The following CEP63 variants were observed in gnomAD, a reference collection of about 807,000 sequenced individuals.
CEP63 encodes the protein centrosomal protein of 63 kDa.
Under a neutral mutation model 89.1 loss-of-function variants are expected in CEP63, and 84 were observed. The ratio of observed to expected loss-of-function variants is 0.94; its 90% CI spans 0.79 to 1.13. The LOEUF is 1.13. CEP63 is among the 50% of genes most tolerant of loss of function. The probability of loss-of-function intolerance (pLI) is 0.00; values close to 1 mark genes in which losing one functional copy is unlikely to be tolerated. For missense variants in CEP63, 838 were observed against 813.3 expected (o/e 1.03, Z -0.37); for synonymous variants, 267 against 272.5 (o/e 0.98, Z 0.20).
the CEP63 span, chr3:134,620,706 A>T: frequency 1.4e-6 from 2 of 1,409,782 alleles, no homozygotes; most frequent in South Asian, 2.4e-5. Context: ...CAGGGAATGG[A>T]AGCAAGGGAT....
chr3:134,543,975 G>T (rs1342846000), intron 6 of CEP63, among the ~76,000 whole-genome samples: 2 of 147,562 alleles, frequency 1.4e-5, no homozygotes, highest in Non-Finnish European at 1.5e-5. Context: ...AAAAAAAAAA[G>T]GCTCTTTGCA....
chr3:134,547,646 T>C (rs1020678296), intron 9 of CEP63, among the ~76,000 whole-genome samples, 174 bp downstream of exon 9: 1 of 139,538 alleles, frequency 7.2e-6, no homozygotes, highest in African/African-American at 2.9e-5. Context: ...GAGTCCGCTC[T>C]GTCACCCAGA....
At chr3:134,586,021 C>G (rs1958476622) in intron 10 of CEP63, among the ~76,000 whole-genome samples, 1 of 132,690 alleles carries the variant, frequency 7.5e-6, no homozygotes, top group South Asian at 2.4e-4. Context: ...ATTGCAACTC[C>G]TGCTTTTTTT....
At chr3:134,570,768 T>C (rs1163348136) in intron 11 of CEP63, among the ~76,000 whole-genome samples, 3 of 152,216 alleles carry the variant, frequency 2.0e-5, no homozygotes, top group Admixed American at 1.3e-4. Flanking sequence ...TTAGTCTGTT[T>C]TCATGCTGCT....
intron 12 of CEP63, among the ~76,000 whole-genome samples, chr3:134,556,373 A>G (rs1956176099): frequency 6.6e-6 from 1 of 152,096 alleles, no homozygotes; most frequent in African/African-American, 2.4e-5. Context: ...GAAAGGATTT[A>G]TTTTTAAAGC....
At chr3:134,614,360 A>G in the CEP63 span, among the ~76,000 whole-genome samples, 1 of 152,118 alleles carries the variant, frequency 6.6e-6, no homozygotes, top group African/African-American at 2.4e-5. Flanking sequence ...TTTTGCCTCC[A>G]TAGCTCATGG....
At chr3:134,545,264 G>A (rs529325772) in intron 6 of CEP63, among the ~76,000 whole-genome samples, 3 of 152,024 alleles carry the variant, frequency 2.0e-5, no homozygotes, top group East Asian at 1.9e-4. Context: ...CTCAAAGTGC[G>A]GGATTACAGG....
At chr3:134,656,169 T>A in the CEP63 span, among the ~76,000 whole-genome samples, 1 of 151,908 alleles carries the variant, frequency 6.6e-6, no homozygotes, top group Non-Finnish European at 1.5e-5. Flanking sequence ...GAGGCATCTG[T>A]CCTCCCAGAG....
the CEP63 span, chr3:134,601,024 G>C: frequency 6.6e-6 from 1 of 152,236 alleles, no homozygotes; most frequent in African/African-American, 2.4e-5. Flanking sequence ...ACACCTGGGG[G>C]CGCCCGTGCC....
chr3:134,504,517 TC>T (rs1394561805), intron 2 of CEP63, among the ~76,000 whole-genome samples: 8 of 152,258 alleles, frequency 5.3e-5, no homozygotes, highest in Admixed American at 5.2e-4. Flanking sequence ...CTGACATTTT[TC>T]TCTTGCTGTT....
chr3:134,505,201 T>C (rs1341206848), intron 2 of CEP63, among the ~76,000 whole-genome samples: 2 of 152,190 alleles, frequency 1.3e-5, no homozygotes, highest in African/African-American at 4.8e-5. Flanking sequence ...CTTGTGTCCT[T>C]GTGTTGATTT....
At chr3:134,565,883 T>G (rs1349352740), downstream of CEP63, among the ~76,000 whole-genome samples, 1 of 152,166 alleles carries the variant, frequency 6.6e-6, no homozygotes, top group Non-Finnish European at 1.5e-5. Flanking sequence ...GTCCAACATT[T>G]TCATAACTGG....
chr3:134,749,613 C>CG, the CEP63 span, among the ~76,000 whole-genome samples: 1 of 140,168 alleles, frequency 7.1e-6, no homozygotes, highest in South Asian at 2.3e-4. Context: ...TGTGTGCAAC[C>CG]GGGAGAGCTG....
rs62271505 is a variant in CEP63, at chr3:134,563,914, T to C, written c.*2379T>C. 0.015 allele frequency: 2,271 copies of C among 152,356 alleles called. 26 individuals carry two copies. The highest frequency in any genetic ancestry group is 0.055 in the South Asian group (264 of 4,820). 9.4% of individuals were successfully genotyped at this position (152,356 alleles called of 1,614,324 possible). A position where few individuals can be genotyped will look rare whatever the true frequency, so the allele number is the denominator to read the frequency against. ...TTTCATTTGCAGTTTACCCTGAATA[T>C]TCCCTTTCTCTTACCTCACCTTTGA... On this transcript the variant is annotated 3_prime_UTR_variant, in exon 15 of 15. Coordinates refer to ENST00000675561, the MANE Select transcript of CEP63 (RefSeq NM_001353108.3).
At chr3:134,546,108 A>C (rs1168542387) in intron 7 of CEP63, 41 bp from the exon 8 acceptor site, 2 of 1,607,846 alleles carry the variant, frequency 1.2e-6, no homozygotes, top group Non-Finnish European at 1.7e-6. Context: ...TGCAGGAATT[A>C]AAAAGAAGGA....
chr3:134,759,659 G>A, the CEP63 span, among the ~76,000 whole-genome samples: 1 of 152,168 alleles, frequency 6.6e-6, no homozygotes, highest in Non-Finnish European at 1.5e-5. Flanking sequence ...GGGGTCTCTG[G>A]CAGTGATGTG....
chr3:134,560,203 A>G (rs888235833), intron 14 of CEP63, among the ~76,000 whole-genome samples: 3 of 152,190 alleles, frequency 2.0e-5, no homozygotes, highest in Non-Finnish European at 2.9e-5. Flanking sequence ...GACTTTCTCT[A>G]TTCCACTTAG....
At chr3:134,518,877 AAATT>A (rs910636447) in intron 3 of CEP63, among the ~76,000 whole-genome samples, 39 of 152,258 alleles carry the variant, frequency 2.6e-4, no homozygotes, top group African/African-American at 8.2e-4. Flanking sequence ...TCTTCGAAAA[AAATT>A]AATTAAATTG....
chr3:134,726,448 G>A, the CEP63 span, among the ~76,000 whole-genome samples: 1 of 118,380 alleles, frequency 8.4e-6, no homozygotes, highest in Admixed American at 9.5e-5. Flanking sequence ...CTGGACACAG[G>A]CACACAGACA....
Sources: gnomAD v4.1 joint callset for allele counts (sites outside exome capture counted in the v4.1 genomes callset) on GRCh38, gnomAD v4.1.1 for gene constraint, MANE v1.5 for transcripts, NCBI Gene and HGNC (gene_info 2026-07-23, HGNC 2026-07-21) for gene names.